The following RAD21L1 variants were observed in gnomAD, a reference collection of about 807,000 sequenced individuals.
RAD21L1 encodes the protein double-strand-break repair protein rad21-like protein 1.
In RAD21L1, 47 loss-of-function variants were observed where a neutral mutation model predicts 69.0. The observed-to-expected ratio is 0.68, with a 90% CI of 0.54 to 0.87. The LOEUF is 0.87. Among genes scored for constraint, RAD21L1 ranks in the 40% least tolerant of loss-of-function variants. The pLI, the probability that RAD21L1 is intolerant of heterozygous loss-of-function variation, is 0.00. For missense variants in RAD21L1, 583 were observed against 647.6 expected, an observed-to-expected ratio of 0.90 and a Z score of 1.08; for synonymous variants, 177 against 205.8, an observed-to-expected ratio of 0.86 and a Z score of 1.20.
chr20:1,254,537 A>G lies in RAD21L1; in HGVS notation c.*80A>G. Reference sequence around the variant, plus strand: ...TCAATTTAATGCAGAAGCCATCTGGAAGCAGCTGAAGGTCTGATCCATTTC... The same window carrying G: ...TCAATTTAATGCAGAAGCCATCTGGGAGCAGCTGAAGGTCTGATCCATTTC... On this transcript the variant is annotated 3_prime_UTR_variant, in exon 14 of 14. Transcript: ENST00000683101. The G allele has an allele frequency of 1.0e-6, 1 of 969,224 alleles. No individual in the cohort carries two copies. The highest frequency in any genetic ancestry group is 2.8e-5 in the East Asian group (1 of 35,120). 60.0% of individuals were successfully genotyped at this position (969,224 alleles called of 1,614,324 possible). A position where few individuals can be genotyped will look rare whatever the true frequency, so the allele number is the denominator to read the frequency against.
intron 13 of RAD21L1, among the ~76,000 whole-genome samples, chr20:1,251,979 A>T (rs1224230582): frequency 6.6e-6 from 1 of 152,188 alleles, no homozygotes; most frequent in African/African-American, 2.4e-5. Context: ...ACATATATCA[A>T]ACCAGAAAAA....
chr20:1,227,116 GCCAGGCTGGTCT>G (rs907152018), intron 1 of RAD21L1, among the ~76,000 whole-genome samples: 1 of 152,144 alleles, frequency 6.6e-6, no homozygotes, highest in African/African-American at 2.4e-5. Flanking sequence ...CACCATGTTG[GCCAGGCTGGTCT>G]CCAGTTCCTG....
chr20:1,238,411 T>C (rs1401654239), intron 6 of RAD21L1, among the ~76,000 whole-genome samples, 197 bp downstream of exon 6: 1 of 152,180 alleles, frequency 6.6e-6, no homozygotes, highest in Non-Finnish European at 1.5e-5. Flanking sequence ...TAGCCGTCTG[T>C]TTAAATATAT....
Position 1,243,183 on chromosome 20 carries a change from C to A in RAD21L1, c.1170C>A (p.Asn390Lys). 2 of 1,501,652 alleles carry A rather than the reference C, an allele frequency of 1.3e-6. No homozygotes were observed. The highest frequency in any genetic ancestry group is 1.8e-6 in the Non-Finnish European group (2 of 1,111,916). 93.0% of individuals were successfully genotyped at this position (1,501,652 alleles called of 1,614,324 possible). The stretch of plus-strand genomic sequence containing the variant: ...AGTCAGTAAGGGAAGAAGTGGGAAA[C>A]CAAAATATAGTAGGTGAGACTTCTT... ...QKESVREEVG[N>K]QNIVETSMMQ... Residue 390 changes from asparagine to lysine, a missense_variant, in exon 10 of 14, where the codon AAC becomes AAA. Coordinates refer to ENST00000683101, the MANE Select transcript of RAD21L1 (RefSeq NM_001384355.1).
At chr20:1,233,013 A>G (rs1036299791) in intron 4 of RAD21L1, among the ~76,000 whole-genome samples, 3 of 152,204 alleles carry the variant, frequency 2.0e-5, no homozygotes, top group Admixed American at 2.0e-4. Flanking sequence ...GACACCATCT[A>G]TGAGGAACAG....
chr20:1,226,131 G>A lies in RAD21L1; in HGVS notation c.-42G>A, dbSNP rs1314880111. Reference sequence around the variant, plus strand: ...CTCTGGCACGCCACACCTCAGACGAGGCTTTGAAAGTAGGGCGCAGCCTGA... The same window carrying A: ...CTCTGGCACGCCACACCTCAGACGAAGCTTTGAAAGTAGGGCGCAGCCTGA... On this transcript the variant is annotated 5_prime_UTR_variant, in exon 1 of 14. Transcript: ENST00000683101. The A allele has an allele frequency of 2.7e-5, 4 of 150,556 alleles. No individual in the cohort carries two copies. The highest frequency in any genetic ancestry group is 5.9e-5 in the Non-Finnish European group (4 of 67,750). The allele number at this position is 150,556 out of a possible 1,614,324, so 9.3% of individuals were successfully genotyped here. A position where few individuals can be genotyped will look rare whatever the true frequency, so the allele number is the denominator to read the frequency against.
rs1289108120 is a variant in RAD21L1, at chr20:1,243,121, T to C, written c.1108T>C (p.Ser370Pro). The C allele has an allele frequency of 6.5e-7, 1 of 1,536,180 alleles. No individual in the cohort carries two copies. Among genetic ancestry groups the C allele is most frequent in the Non-Finnish European group, 8.8e-7 (1 of 1,141,906 alleles). Residue 370 changes from serine to proline, a missense_variant, in exon 10 of 14, where the codon TCT becomes CCT. Transcript: ENST00000683101. ...KMLFTKCFLS[S>P]GFKLGRKMIQ... ...GTTGTTTACAAAATGCTTTCTGTCC[T>C]CTGGCTTTAAACTTGGAAGAAAAAT...
intron 5 of RAD21L1, among the ~76,000 whole-genome samples, chr20:1,235,803 T>G (rs955933913): frequency 1.3e-5 from 2 of 152,052 alleles, no homozygotes; most frequent in Non-Finnish European, 2.9e-5. Context: ...GGTCTTGTTC[T>G]GTCACCCAGG....
intron 12 of RAD21L1, among the ~76,000 whole-genome samples, chr20:1,247,921 G>T (rs1189322530): frequency 6.6e-6 from 1 of 151,602 alleles, no homozygotes; most frequent in Non-Finnish European, 1.5e-5. Flanking sequence ...TCTTTTATCA[G>T]ATTCATGAAC....
At position 1,254,277 on chromosome 20, in the gene RAD21L1, C is replaced by G; in HGVS notation, c.1488C>G (p.Asn496Lys). Reference protein sequence around the residue: ...LQMLNRLRESNKMGMQSFSLM... With the variant: ...LQMLNRLRESKKMGMQSFSLM... ...TCTAATTATTTTCCCAGGAATCTAA[C>G]AAGATGGGAATGCAGTCCTTTAGTC... is the stretch of plus-strand genomic sequence containing the variant. The change falls in exon 14 of 14, where the codon AAC becomes AAG. Residue 496 changes from asparagine to lysine, a missense_variant. Coordinates refer to ENST00000683101, the MANE Select transcript of RAD21L1 (RefSeq NM_001384355.1). The G allele has an allele frequency of 6.7e-7, 1 of 1,501,162 alleles. No homozygotes were observed. The highest frequency in any genetic ancestry group is 8.9e-7 in the Non-Finnish European group (1 of 1,118,688). 93.0% of individuals were successfully genotyped at this position (1,501,162 alleles called of 1,614,324 possible).
At chr20:1,226,653 T>G (rs2087268537) in intron 1 of RAD21L1, among the ~76,000 whole-genome samples, 1 of 152,074 alleles carries the variant, frequency 6.6e-6, no homozygotes, top group Non-Finnish European at 1.5e-5. Context: ...ACCCTGCCCT[T>G]TGCGGGCCGG....
In RAD21L1 at chr20:1,229,878, A is replaced by T. The variant is rs1362661393; in HGVS notation, c.145-2A>T. On this transcript the variant is annotated splice_acceptor_variant, in intron 2 of 13. Coordinates refer to ENST00000683101, the MANE Select transcript of RAD21L1 (RefSeq NM_001384355.1). LOFTEE classifies it high-confidence loss of function. The stretch of plus-strand genomic sequence containing the variant: ...TTCTAATACTTCAAAAATTATTGAA[A>T]GGTGAAAATAGCACTTCGAACTTCA... The T allele has an allele frequency of 6.5e-7, 1 of 1,545,112 alleles. No homozygotes were observed. The highest frequency in any genetic ancestry group is 8.8e-7 in the Non-Finnish European group (1 of 1,142,218).
At chr20:1,241,795 T>G (rs2087612207) in intron 8 of RAD21L1, among the ~76,000 whole-genome samples, 1 of 152,226 alleles carries the variant, frequency 6.6e-6, no homozygotes, top group South Asian at 2.1e-4. Context: ...CTGTACATTT[T>G]GGCTCCATTT....
chr20:1,240,491 T>C (rs2087585086), intron 8 of RAD21L1, 57 bp downstream of exon 8: 1 of 1,495,164 alleles, frequency 6.7e-7, no homozygotes, highest in Non-Finnish European at 8.9e-7. Flanking sequence ...CTTATTTACT[T>C]TGAGATGTTT....
In RAD21L1 at chr20:1,246,995, T is replaced by C. The variant is rs114592542; in HGVS notation, c.1401+690T>C. On this transcript the variant is annotated intron_variant, in intron 12 of 13. Transcript: ENST00000683101. The surrounding 1 kb of genome is among the most constrained non-coding windows in gnomAD (Gnocchi z 4.6). The stretch of plus-strand genomic sequence containing the variant: ...TGCTTCTATAAAATTATCTATATAT[T>C]GAGTTCCAAGACTCTTTGATTGTTT... Among the ~76,000 whole-genome samples the C allele has an allele frequency of 0.011, 1,672 of 152,300 alleles. 42 individuals are homozygous for C. Among genetic ancestry groups the C allele is most frequent in the African/African-American group, 0.038 (1,570 of 41,566 alleles).
chr20:1,249,324 G>GA (rs1366675497), intron 13 of RAD21L1, among the ~76,000 whole-genome samples: 1 of 152,046 alleles, frequency 6.6e-6, no homozygotes, highest in Admixed American at 6.6e-5. Flanking sequence ...CCCCTCCCTA[G>GA]TATACTTTTA....
At chr20:1,239,670 G>T (rs962662140) in intron 7 of RAD21L1, among the ~76,000 whole-genome samples, 1 of 152,084 alleles carries the variant, frequency 6.6e-6, no homozygotes, top group Non-Finnish European at 1.5e-5. Flanking sequence ...ATAGTATATG[G>T]TAAATGGTAA....
chr20:1,226,951 C>CTTTCCTTTAATTCCTATAG (rs2087276383), intron 1 of RAD21L1, among the ~76,000 whole-genome samples: 1 of 152,192 alleles, frequency 6.6e-6, no homozygotes, highest in Non-Finnish European at 1.5e-5. Context: ...CCTCTGTCGC[C>CTTTCCTTTAATTCCTATAG]CAGGCTGGAG....
chr20:1,229,269 C>T (rs1245871356), intron 2 of RAD21L1, among the ~76,000 whole-genome samples: 2 of 152,146 alleles, frequency 1.3e-5, no homozygotes, highest in Non-Finnish European at 2.9e-5. Context: ...TAATATGTTA[C>T]TTTGGGCATC....
Sources: gnomAD v4.1 joint callset for allele counts (sites outside exome capture counted in the v4.1 genomes callset) on GRCh38, gnomAD v4.1.1 for gene constraint, Gnocchi (gnomAD v3.1) non-coding constraint, MANE v1.5 for transcripts, NCBI Gene and HGNC (gene_info 2026-07-23, HGNC 2026-07-21) for gene names.